The following MED13L variants were observed in gnomAD, a reference collection of about 807,000 sequenced individuals.
MED13L encodes the protein mediator complex subunit 13L, also known as mediator of RNA polymerase II transcription subunit 13-like.
MED13L carries 7 observed loss-of-function variants against 220.9 expected under a neutral mutation model. The observed-to-expected ratio is 0.03, with a 90% CI of 0.02 to 0.06. MED13L has a LOEUF of 0.06. Among genes scored for constraint, MED13L ranks in the 10% least tolerant of loss-of-function variants. MED13L has a pLI of 1.00. For missense variants in MED13L, 1,965 were observed against 2,760.5 expected, an observed-to-expected ratio of 0.71 and a Z score of 6.46; for synonymous variants, 1,011 against 1,015.2, an observed-to-expected ratio of 1.00 and a Z score of 0.08.
intron 1 of MED13L, among the ~76,000 whole-genome samples, chr12:116,259,350 T>C (rs927354146): frequency 2.6e-5 from 4 of 152,204 alleles, no homozygotes; most frequent in African/African-American, 7.2e-5. Flanking sequence ...TAAACTGCGA[T>C]ATACGAGAAC....
chr12:116,037,204 C>T lies in MED13L; in HGVS notation c.480-14603G>A, dbSNP rs189646825. Among the ~76,000 whole-genome samples the T allele has an allele frequency of 3.3e-5, 5 of 152,212 alleles. No homozygotes were observed. The East Asian group carries it at 9.7e-4, about 29-fold the overall frequency. On this transcript the variant is annotated intron_variant, in intron 4 of 30. Transcript: ENST00000281928. ...ACCTACATAAACACATATTGAGCAT[C>T]CCTAATCCAAAAATCAGAAATGTTC...
intron 2 of MED13L, among the ~76,000 whole-genome samples, chr12:116,233,496 T>C (rs1355112779): frequency 6.6e-6 from 1 of 152,180 alleles, no homozygotes. Flanking sequence ...GTGTACTCCA[T>C]ACTATGACCC....
intron 4 of MED13L, among the ~76,000 whole-genome samples, chr12:116,069,262 G>T (rs931278353): frequency 6.6e-6 from 1 of 152,208 alleles, no homozygotes. Context: ...CATTTCCCTA[G>T]TAGATGCTAT....
intron 30 of MED13L, among the ~76,000 whole-genome samples, 171 bp downstream of exon 30, chr12:115,963,236 T>G (rs1032312919): frequency 2.6e-5 from 4 of 152,154 alleles, no homozygotes; most frequent in African/African-American, 9.7e-5. Flanking sequence ...ACACCGCCTG[T>G]CCCATGCAGC....
chr12:116,107,901 C>A (rs934911414), intron 3 of MED13L, among the ~76,000 whole-genome samples: 12 of 152,102 alleles, frequency 7.9e-5, no homozygotes, highest in Admixed American at 2.0e-4. Flanking sequence ...ACCAGCCTAG[C>A]CAATATGGTG....
At chr12:116,154,093 A>C (rs564552890) in intron 2 of MED13L, among the ~76,000 whole-genome samples, 2 of 152,338 alleles carry the variant, frequency 1.3e-5, no homozygotes, top group East Asian at 3.9e-4. Context: ...TATGAGTGAA[A>C]TGCTGTGCTA....
chr12:116,277,124 G>A lies in MED13L; in HGVS notation c.8C>T (p.Ala3Val), dbSNP rs1414869776. The change falls in exon 1 of 31, where the codon GCG becomes GTG. Residue 3 changes from alanine (A) to valine (V), a missense_variant. Physicochemically the swap from Ala to Val is moderately conservative, Grantham distance 64. Transcript: ENST00000281928. The stretch of plus-strand genomic sequence containing the variant: ...CCCGTTCGCCACCCAGTTCGCTGCC[G>A]CAGTCATGATCCTCCGCGAGCCCGG... MT[A>V]AANWVANGAS... is the part of the protein sequence containing the mutation. 1.3e-6 allele frequency: 2 copies of A among 1,582,408 alleles called. No individual in the cohort carries two copies. The highest frequency in any genetic ancestry group is 1.3e-5 in the African/African-American group (1 of 74,294).
At position 116,264,212 on chromosome 12, in the gene MED13L, T is replaced by C. The variant is rs370709067; in HGVS notation, c.72+12848A>G. 1.6e-3 allele frequency among the ~76,000 whole-genome samples: 241 copies of C among 152,270 alleles called. 3 individuals are homozygous for C. In the South Asian group the frequency reaches 0.024, roughly 15 times the overall value. ...GATTTTCTGGGGCAGCCAACTAAAC[T>C]GTCTCTAAAAGCAATTCCAAAGGAA... On this transcript the variant is annotated intron_variant, in intron 1 of 30. Coordinates refer to ENST00000281928, the MANE Select transcript of MED13L (RefSeq NM_015335.5).
At chr12:115,990,628 G>A (rs1284679099) in intron 17 of MED13L, among the ~76,000 whole-genome samples, 2 of 152,144 alleles carry the variant, frequency 1.3e-5, no homozygotes, top group Non-Finnish European at 2.9e-5. Context: ...CTCTGGAAAT[G>A]GCTAGAAGGC....
chr12:115,973,885 A>G (rs762249921), intron 25 of MED13L, among the ~76,000 whole-genome samples: 4 of 152,232 alleles, frequency 2.6e-5, no homozygotes, highest in African/African-American at 4.8e-5. Flanking sequence ...ATGATGTAAT[A>G]TTTATATAAA....
At chr12:116,085,775 C>T (rs1871625440) in intron 4 of MED13L, among the ~76,000 whole-genome samples, 1 of 151,766 alleles carries the variant, frequency 6.6e-6, no homozygotes, top group Non-Finnish European at 1.5e-5. Context: ...CACACACACA[C>T]ACACACACAC....
intron 2 of MED13L, among the ~76,000 whole-genome samples, chr12:116,154,546 A>G (rs1878283792): frequency 6.6e-6 from 1 of 152,188 alleles, no homozygotes; most frequent in African/African-American, 2.4e-5. Context: ...CACCTTCTCC[A>G]GGAAACTCTC....
At chr12:116,275,072 GTA>G (rs1239103701) in intron 1 of MED13L, among the ~76,000 whole-genome samples, 1 of 151,416 alleles carries the variant, frequency 6.6e-6, no homozygotes, top group African/African-American at 2.4e-5. Flanking sequence ...TACAGAATCC[GTA>G]TATACACAGC....
intron 1 of MED13L, among the ~76,000 whole-genome samples, chr12:116,250,776 CAAAAAAAAAAAAA>C (rs772459455): frequency 1.3e-5 from 1 of 76,784 alleles, no homozygotes; most frequent in African/African-American, 5.4e-5. Context: ...GACTCCTCCT[CAAAAAAAAAAAAA>C]AAAAAAAAAA....
chr12:116,180,947 T>G (rs2138222358), intron 2 of MED13L, among the ~76,000 whole-genome samples: 1 of 151,188 alleles, frequency 6.6e-6, no homozygotes, highest in South Asian at 2.1e-4. Flanking sequence ...TTTTTTTTTT[T>G]TGAAATGCAG....
At chr12:116,251,820 G>C (rs2138521432) in intron 1 of MED13L, among the ~76,000 whole-genome samples, 1 of 149,508 alleles carries the variant, frequency 6.7e-6, no homozygotes, top group East Asian at 2.0e-4. Flanking sequence ...CTTACATATA[G>C]AAAGACATAT....
At chr12:115,988,699 A>G (rs1198090387) in intron 17 of MED13L, among the ~76,000 whole-genome samples, 3 of 152,226 alleles carry the variant, frequency 2.0e-5, no homozygotes, top group Non-Finnish European at 4.4e-5. Flanking sequence ...AATGTCTCCC[A>G]TCACATTCAT....
At chr12:116,214,076 T>C (rs1882864663) in intron 2 of MED13L, among the ~76,000 whole-genome samples, 1 of 152,240 alleles carries the variant, frequency 6.6e-6, no homozygotes, top group South Asian at 2.1e-4. Flanking sequence ...AGCCCTGCTC[T>C]GTCTATGGTG....
chr12:116,160,097 T>C (rs915895582), intron 2 of MED13L, among the ~76,000 whole-genome samples: 10 of 152,204 alleles, frequency 6.6e-5, no homozygotes, highest in Non-Finnish European at 1.2e-4. Flanking sequence ...AAATAATTTA[T>C]ACCATGTTTA....
Sources: allele counts gnomAD v4.1 joint callset (sites outside exome capture counted in the v4.1 genomes callset), GRCh38; gene constraint gnomAD v4.1.1; transcripts MANE v1.5; gene names NCBI Gene and HGNC (gene_info 2026-07-23, HGNC 2026-07-21).